Variants in APBA2 observed in about 807,000 individuals in gnomAD.
APBA2 encodes the protein amyloid beta precursor protein binding family A member 2.
Under a neutral mutation model 75.0 loss-of-function variants are expected in APBA2, and 30 were observed. The ratio of observed to expected loss-of-function variants is 0.40; its 90% CI spans 0.30 to 0.54. The LOEUF (loss-of-function observed/expected upper bound fraction) is 0.54, where lower values mean the gene tolerates loss of function less well. APBA2 is among the 20% of genes least tolerant of loss of function. The pLI, the probability that APBA2 is intolerant of heterozygous loss-of-function variation, is 0.49. For synonymous variants in APBA2, 444 were observed against 409.6 expected (o/e 1.08, Z -1.01); for missense variants, 801 against 1,016.1 (o/e 0.79, Z 2.88).
intron 4 of APBA2, among the ~76,000 whole-genome samples, chr15:29,066,211 G>C (rs773524167): frequency 7.2e-5 from 11 of 152,120 alleles, no homozygotes; most frequent in Non-Finnish European, 1.5e-4. Flanking sequence ...CTTCGAGAGA[G>C]GGAGGTCATC....
At chr15:28,909,552 G>T (rs1566790235) in intron 1 of APBA2, among the ~76,000 whole-genome samples, 1 of 152,164 alleles carries the variant, frequency 6.6e-6, no homozygotes, top group South Asian at 2.1e-4. Context: ...AAGAATCCAA[G>T]AAGCCAATGA....
chr15:28,970,405 CGTGG>C (rs2037001846), intron 2 of APBA2: 1 of 149,004 alleles, frequency 6.7e-6, no homozygotes, highest in Admixed American at 6.7e-5. Context: ...GGCCAGGCAC[CGTGG>C]TTCATGCTTG....
chr15:29,046,946 A>G lies in APBA2; in HGVS notation c.-40-6899A>G, dbSNP rs985435023. Among the ~76,000 whole-genome samples, 1 of 152,150 alleles carries G rather than the reference A, an allele frequency of 6.6e-6. No individual in the cohort carries two copies. The highest frequency in any genetic ancestry group is 2.4e-5 in the African/African-American group (1 of 41,416). On this transcript the variant is annotated intron_variant, in intron 3 of 14. Coordinates refer to ENST00000683413, the MANE Select transcript of APBA2 (RefSeq NM_001353788.2). This position sits in a 1 kb window ranked among gnomAD's most constrained non-coding sequence, Gnocchi z 5.0. ...TCAGGCATCTCTCCTGGACCATTTCATTGACATTTTCCTTAACTCCCTTTA... is the reference window on the plus strand; with the variant it reads ...TCAGGCATCTCTCCTGGACCATTTCGTTGACATTTTCCTTAACTCCCTTTA...
intron 13 of APBA2, among the ~76,000 whole-genome samples, chr15:29,111,323 C>T (rs1393972127): frequency 6.6e-6 from 1 of 152,052 alleles, no homozygotes; most frequent in African/African-American, 2.4e-5. Flanking sequence ...CTCTGCCTCC[C>T]TGTCTGTGAA....
chr15:28,967,630 G>T (rs1475763769), intron 2 of APBA2, among the ~76,000 whole-genome samples: 1 of 152,022 alleles, frequency 6.6e-6, no homozygotes, highest in East Asian at 1.9e-4. Context: ...AGTAGAGATG[G>T]GGTTTCACCG....
chr15:28,905,513 TC>T (rs1352519095), intron 1 of APBA2, among the ~76,000 whole-genome samples: 1 of 152,196 alleles, frequency 6.6e-6, no homozygotes, highest in Non-Finnish European at 1.5e-5. Context: ...GGGGCAGCAC[TC>T]CCCACCAGAG....
chr15:29,085,594 G>A (rs1003282223), intron 6 of APBA2, among the ~76,000 whole-genome samples: 7 of 151,940 alleles, frequency 4.6e-5, no homozygotes, highest in East Asian at 1.9e-4. Context: ...GTGAGGTTGT[G>A]TATGTTGTTG....
intron 1 of APBA2, among the ~76,000 whole-genome samples, chr15:28,893,546 T>C (rs2032275361): frequency 6.6e-6 from 1 of 152,204 alleles, no homozygotes; most frequent in Non-Finnish European, 1.5e-5. Context: ...GGAATGGCAT[T>C]GGGTGAAGTC....
intron 3 of APBA2, among the ~76,000 whole-genome samples, chr15:29,002,902 C>A (rs1233862835): frequency 1.3e-5 from 2 of 152,038 alleles, no homozygotes; most frequent in African/African-American, 4.8e-5. Context: ...GAGGGTTGAT[C>A]TTTCATCTCG....
chr15:28,930,385 C>G (rs2034500496), intron 2 of APBA2, among the ~76,000 whole-genome samples: 1 of 152,142 alleles, frequency 6.6e-6, no homozygotes, highest in African/African-American at 2.4e-5. Context: ...TTTTTCTGCT[C>G]AAATGAACAT....
chr15:28,998,886 C>T (rs1156934692), intron 3 of APBA2, among the ~76,000 whole-genome samples: 3 of 152,234 alleles, frequency 2.0e-5, no homozygotes, highest in Non-Finnish European at 4.4e-5. Context: ...GTGGTTCACA[C>T]CTGTAATCCC....
rs1438349752 is a variant in APBA2 at position 29,113,789 on chromosome 15, C to G, written c.2038-87C>G. On this transcript the variant is annotated intron_variant, in intron 13 of 14. Transcript: ENST00000683413. ...CGTATTCATCATGTGGCGCTTTTCCCTCTGCATGTCCCATCTTTGGGGACG... is the reference window on the plus strand; with the variant it reads ...CGTATTCATCATGTGGCGCTTTTCCGTCTGCATGTCCCATCTTTGGGGACG... 2.6e-6 allele frequency: 4 copies of G among 1,562,202 alleles called. No individual in the cohort carries two copies. In the Admixed American group the frequency reaches 5.1e-5, roughly 20 times the overall value.
chr15:29,096,151 C>T (rs545449772), intron 8 of APBA2, among the ~76,000 whole-genome samples: 2 of 152,142 alleles, frequency 1.3e-5, no homozygotes, highest in Non-Finnish European at 2.9e-5. Flanking sequence ...CCTGGCCCGG[C>T]CACAGCCATG....
chr15:28,913,513 G>C (rs2033529663), intron 1 of APBA2, among the ~76,000 whole-genome samples: 1 of 152,174 alleles, frequency 6.6e-6, no homozygotes, highest in African/African-American at 2.4e-5. Flanking sequence ...CTGGGAAGCT[G>C]TCCTGGGATC....
At chr15:28,971,236 G>A (rs2037050896) in intron 2 of APBA2, among the ~76,000 whole-genome samples, 1 of 151,548 alleles carries the variant, frequency 6.6e-6, no homozygotes, top group East Asian at 1.9e-4. Context: ...TTTTAATCAC[G>A]ATTGGATAAG....
chr15:29,112,850 C>CCA (rs2044810847), intron 13 of APBA2, among the ~76,000 whole-genome samples: 2 of 152,282 alleles, frequency 1.3e-5, no homozygotes, highest in East Asian at 3.9e-4. Context: ...CCACTAAGCA[C>CCA]CACCGCCCAT....
intron 3 of APBA2, among the ~76,000 whole-genome samples, chr15:29,034,005 A>T (rs935657640): frequency 6.7e-6 from 1 of 148,908 alleles, no homozygotes; most frequent in Non-Finnish European, 1.5e-5. Context: ...AGGGACACCT[A>T]GGGTGAAGTC....
chr15:28,894,557 CT>C (rs1390075755), intron 1 of APBA2, among the ~76,000 whole-genome samples: 3 of 152,246 alleles, frequency 2.0e-5, no homozygotes, highest in African/African-American at 7.2e-5. Flanking sequence ...AAGGGCCAGC[CT>C]GGAATGGGGC....
rs1164554557 is a variant in APBA2 at position 29,009,077 on chromosome 15, GT to G, written c.-41+13272del. 2.6e-5 allele frequency among the ~76,000 whole-genome samples: 4 copies of G among 152,298 alleles called. No individual in the cohort carries two copies. The East Asian group carries it at 7.7e-4, about 29-fold the overall frequency. ...GCCTTGGATCCCCTAGTGCACCAAA[GT>G]ATCCTACTGAGAAGGCATCAGAAAA... On this transcript the variant is annotated intron_variant, in intron 3 of 14. Coordinates refer to ENST00000683413, the MANE Select transcript of APBA2 (RefSeq NM_001353788.2).
Sources: gnomAD v4.1 joint callset for allele counts (sites outside exome capture counted in the v4.1 genomes callset) on GRCh38, gnomAD v4.1.1 for gene constraint, Gnocchi (gnomAD v3.1) non-coding constraint, MANE v1.5 for transcripts, NCBI Gene and HGNC (gene_info 2026-07-23, HGNC 2026-07-21) for gene names.